Variants in RARB observed in about 807,000 individuals in gnomAD.
The protein encoded by RARB is HBV-activated protein.
A neutral mutation model predicts 51.9 loss-of-function variants in RARB; 17 were observed. That is an observed-to-expected ratio of 0.33 (90% CI 0.22 to 0.49). The LOEUF (loss-of-function observed/expected upper bound fraction) is 0.49. Ranked by LOEUF, RARB falls within the 20% of genes least tolerant of loss-of-function variation. RARB has a pLI of 0.99. For missense variants in RARB, 369 were observed against 550.8 expected (o/e 0.67, Z 3.30); for synonymous variants, 215 against 195.4 (o/e 1.10, Z -0.84).
exon 5 of RARB, chr3:25,174,155 C>T (rs916922883): frequency 5.4e-5 from 12 of 223,288 alleles, no homozygotes; most frequent in African/African-American, 1.6e-4. Flanking sequence ...GCTAGTGTCT[C>T]ACTGGTCTTA....
intron 5 of RARB, among the ~76,000 whole-genome samples, chr3:25,266,263 T>C (rs1703124380): frequency 6.6e-6 from 1 of 152,124 alleles, no homozygotes; most frequent in South Asian, 2.1e-4. Context: ...AATACAACAA[T>C]AGGGGTTCTA....
At chr3:25,544,317 T>C (rs1287976014) in intron 3 of RARB, among the ~76,000 whole-genome samples, 1 of 152,218 alleles carries the variant, frequency 6.6e-6, no homozygotes, top group Non-Finnish European at 1.5e-5. Flanking sequence ...GTTTCAGCAA[T>C]TTCTAAATTG....
chr3:24,913,166 A>G (rs949331763), intron 2 of RARB, among the ~76,000 whole-genome samples: 3 of 151,222 alleles, frequency 2.0e-5, no homozygotes, highest in Admixed American at 2.0e-4. Context: ...TTGTATTTTT[A>G]GTAGAGACGG....
rs552254894 is a variant in RARB at position 24,993,954 on chromosome 3, T to C, written c.-379-66171T>C. Among the ~76,000 whole-genome samples the C allele has an allele frequency of 5.3e-5, 8 of 152,308 alleles. No homozygotes were observed. The South Asian group carries it at 1.7e-3, about 32-fold the overall frequency. Reference sequence around the variant, plus strand: ...GTATCTTGGCTATTGTGAATAGTGCTGCAGTAAACATGGGATTGCAGATGT... The same window carrying C: ...GTATCTTGGCTATTGTGAATAGTGCCGCAGTAAACATGGGATTGCAGATGT... On this transcript the variant is annotated intron_variant, in intron 2 of 11. Coordinates refer to the RARB transcript ENST00000383772.
intron 2 of RARB, among the ~76,000 whole-genome samples, chr3:24,983,463 C>T (rs770687525): frequency 1.3e-5 from 2 of 152,028 alleles, no homozygotes; most frequent in Non-Finnish European, 2.9e-5. Flanking sequence ...GTTTGCTGCA[C>T]CTATCAACCT....
intron 5 of RARB, among the ~76,000 whole-genome samples, chr3:25,295,115 A>G (rs78366049): frequency 0.017 from 2,559 of 152,346 alleles, 81 homozygotes; most frequent in African/African-American, 0.058. Flanking sequence ...GAGGGGCAAC[A>G]TGGTACAGTA....
chr3:24,996,572 TTGA>T (rs138523731), intron 2 of RARB, among the ~76,000 whole-genome samples: 126 of 152,244 alleles, frequency 8.3e-4, no homozygotes, highest in African/African-American at 3.0e-3. Context: ...TTCTAGTTCT[TTGA>T]TGTAGGCATT....
intron 5 of RARB, among the ~76,000 whole-genome samples, chr3:25,402,776 A>G (rs1707297211): frequency 6.6e-6 from 1 of 152,120 alleles, no homozygotes; most frequent in African/African-American, 2.4e-5. Context: ...TCATGGCCAT[A>G]GAAAGTAGAA....
chr3:25,301,035 T>C (rs976539342), intron 5 of RARB, among the ~76,000 whole-genome samples: 1 of 152,184 alleles, frequency 6.6e-6, no homozygotes, highest in Non-Finnish European at 1.5e-5. Flanking sequence ...TCAACTTAGA[T>C]TTTTCGACTA....
At chr3:25,524,056 C>CT (rs1298085756) in intron 3 of RARB, among the ~76,000 whole-genome samples, 1 of 152,296 alleles carries the variant, frequency 6.6e-6, no homozygotes, top group Admixed American at 6.5e-5. Context: ...CCTCGATATA[C>CT]TATAGGTTGT....
chr3:25,317,479 A>G (rs936193341), intron 5 of RARB, among the ~76,000 whole-genome samples: 1 of 152,186 alleles, frequency 6.6e-6, no homozygotes, highest in Non-Finnish European at 1.5e-5. Context: ...CAGCATTATA[A>G]TAAAGCTAGT....
upstream of RARB, among the ~76,000 whole-genome samples, chr3:25,424,554 A>G (rs1344485241): frequency 6.6e-6 from 1 of 152,196 alleles, no homozygotes; most frequent in Non-Finnish European, 1.5e-5. Flanking sequence ...GGGAAAAAAA[A>G]TTAAAAAACA....
chr3:25,079,526 T>C (rs1433477231), intron 3 of RARB, among the ~76,000 whole-genome samples: 1 of 152,176 alleles, frequency 6.6e-6, no homozygotes, highest in African/African-American at 2.4e-5. Flanking sequence ...TTAAGTATTA[T>C]GCTAACCTTT....
chr3:25,502,266 A>G (rs746657154), intron 3 of RARB, among the ~76,000 whole-genome samples: 5 of 152,230 alleles, frequency 3.3e-5, no homozygotes, highest in Admixed American at 6.5e-5. Flanking sequence ...CACCCCAATC[A>G]TGATCCTCTA....
chr3:25,218,151 C>T (rs1352423026), intron 5 of RARB, among the ~76,000 whole-genome samples: 2 of 152,090 alleles, frequency 1.3e-5, no homozygotes, highest in Non-Finnish European at 2.9e-5. Context: ...TGAAAGGATG[C>T]CCTTAGCTAC....
At chr3:24,970,399 G>A (rs977329096) in intron 2 of RARB, among the ~76,000 whole-genome samples, 1 of 151,944 alleles carries the variant, frequency 6.6e-6, no homozygotes. Context: ...CAGACAAGAA[G>A]ACAATTCTGT....
At chr3:25,094,769 C>T (rs558074632) in intron 3 of RARB, among the ~76,000 whole-genome samples, 3 of 127,656 alleles carry the variant, frequency 2.4e-5, no homozygotes, top group Non-Finnish European at 4.9e-5. Context: ...AGTTAAATAA[C>T]TTGCCCAGGT....
intron 3 of RARB, among the ~76,000 whole-genome samples, chr3:25,093,501 C>G (rs557094331): frequency 6.6e-6 from 1 of 152,156 alleles, no homozygotes; most frequent in East Asian, 1.9e-4. Context: ...GCCCTTCCCC[C>G]CAAACTAGAG....
rs75200009 is a variant in RARB at position 25,277,322 on chromosome 3, T to C, written c.178+102747T>C. ...GACATGGAGTCCAGAACCTTCTCAG[T>C]CACCCAAAAGTCATCCTAATCCACT... is the stretch of plus-strand genomic sequence containing the variant. On this transcript the variant is annotated intron_variant, in intron 5 of 11. Coordinates refer to the RARB transcript ENST00000383772. 1.8e-3 allele frequency among the ~76,000 whole-genome samples: 271 copies of C among 152,280 alleles called. 1 individual carries two copies. Among genetic ancestry groups the C allele is most frequent in the African/African-American group, 6.1e-3 (252 of 41,552 alleles).
Sources: allele counts gnomAD v4.1 joint callset (sites outside exome capture counted in the v4.1 genomes callset), GRCh38; gene constraint gnomAD v4.1.1; transcripts MANE v1.5; gene names NCBI Gene and HGNC (gene_info 2026-07-23, HGNC 2026-07-21).